Variants in NRG3 observed in about 807,000 individuals in gnomAD.
The protein encoded by NRG3 is neuregulin 3.
Under a neutral mutation model 66.9 loss-of-function variants are expected in NRG3, and 31 were observed. The ratio of observed to expected loss-of-function variants is 0.46; its 90% CI spans 0.35 to 0.63. The LOEUF (loss-of-function observed/expected upper bound fraction) is 0.63, where lower values mean the gene tolerates loss of function less well. NRG3 is among the 20% of genes least tolerant of loss of function. The pLI, the probability that NRG3 is intolerant of heterozygous loss-of-function variation, is 0.00. For missense variants in NRG3, 910 were observed against 878.9 expected (o/e 1.04, Z -0.45); for synonymous variants, 393 against 359.4 (o/e 1.09, Z -1.06).
chr10:82,021,326 A>G (rs2062050661), intron 1 of NRG3, among the ~76,000 whole-genome samples: 1 of 152,100 alleles, frequency 6.6e-6, no homozygotes, highest in African/African-American at 2.4e-5. Flanking sequence ...ATACTCCTAC[A>G]CTGCTGGACT....
At chr10:82,739,826 T>C (rs969222272) in intron 3 of NRG3, among the ~76,000 whole-genome samples, 14 of 152,188 alleles carry the variant, frequency 9.2e-5, no homozygotes, top group African/African-American at 3.4e-4. Flanking sequence ...TCTCTGGGAA[T>C]TACCCAAAGA....
At chr10:82,185,595 A>G (rs181967466) in intron 1 of NRG3, among the ~76,000 whole-genome samples, 23 of 152,328 alleles carry the variant, frequency 1.5e-4, no homozygotes, top group Admixed American at 1.4e-3. Context: ...ACATATAACA[A>G]TAAACATCTA....
chr10:82,021,298 T>C lies in NRG3; in HGVS notation c.823+145135T>C, dbSNP rs116004272. On this transcript the variant is annotated intron_variant, in intron 1 of 8. Coordinates refer to ENST00000372141, the MANE Select transcript of NRG3 (RefSeq NM_001010848.4). Reference sequence around the variant, plus strand: ...AGGGGCGTGGGAACTCTATTGATTTTTAGGTACTTTTTATCACATACTCCT... The same window carrying C: ...AGGGGCGTGGGAACTCTATTGATTTCTAGGTACTTTTTATCACATACTCCT... 9.7e-3 allele frequency among the ~76,000 whole-genome samples: 1,475 copies of C among 152,152 alleles called. 32 individuals carry two copies. The highest frequency in any genetic ancestry group is 0.033 in the African/African-American group (1,382 of 41,536).
intron 3 of NRG3, among the ~76,000 whole-genome samples, chr10:82,862,207 C>G: frequency 6.6e-6 from 1 of 152,152 alleles, no homozygotes; most frequent in Non-Finnish European, 1.5e-5. Flanking sequence ...TAGATGGTTA[C>G]AAGTTCCTGA....
chr10:82,690,962 C>T (rs975746679), intron 2 of NRG3, among the ~76,000 whole-genome samples: 3 of 152,150 alleles, frequency 2.0e-5, no homozygotes, highest in African/African-American at 7.2e-5. Flanking sequence ...TCCTTCACTT[C>T]TCTCCTTCCT....
At chr10:82,911,140 A>G (rs1317303217) in intron 4 of NRG3, among the ~76,000 whole-genome samples, 1 of 152,208 alleles carries the variant, frequency 6.6e-6, no homozygotes, top group Non-Finnish European at 1.5e-5. Flanking sequence ...GCAGTGAGAG[A>G]AATCAAAGAA....
intron 1 of NRG3, among the ~76,000 whole-genome samples, chr10:82,087,408 TA>T (rs888509925): frequency 6.6e-6 from 1 of 152,076 alleles, no homozygotes; most frequent in African/African-American, 2.4e-5. Context: ...ATCTCTGAAC[TA>T]ACTGTTCAGA....
At chr10:82,878,793 C>T (rs1348133275) in intron 4 of NRG3, among the ~76,000 whole-genome samples, 2 of 152,128 alleles carry the variant, frequency 1.3e-5, no homozygotes, top group African/African-American at 4.8e-5. Context: ...AAAAGCATAC[C>T]ATTCCCCTGC....
At chr10:82,208,183 G>A (rs895730877) in intron 1 of NRG3, among the ~76,000 whole-genome samples, 2 of 152,090 alleles carry the variant, frequency 1.3e-5, no homozygotes, top group African/African-American at 4.8e-5. Flanking sequence ...CTGAGGAGAG[G>A]CAGCATAACT....
chr10:82,228,092 C>G (rs2076256228), intron 1 of NRG3, among the ~76,000 whole-genome samples: 1 of 152,146 alleles, frequency 6.6e-6, no homozygotes, highest in East Asian at 1.9e-4. Flanking sequence ...CCTCACATAA[C>G]TGTAGGAAAA....
In NRG3 at chr10:82,405,454, G is replaced by GTTTTTTTTTTTTTTTTTTTTTTTTTTT. The variant is rs779040062; in HGVS notation, c.953+46589_953+46590insTTTTTTTTTTTTTTTTTTTTTTTTTTT. On this transcript the variant is annotated intron_variant, in intron 2 of 8. Transcript: ENST00000372141. Reference sequence around the variant, plus strand: ...TTCTATCTTTGGAATGATCTCAGTAGTTTGTTTTTTTTTTTTTTGAAATGG... The same window carrying GTTTTTTTTTTTTTTTTTTTTTTTTTTT: ...TTCTATCTTTGGAATGATCTCAGTAGTTTTTTTTTTTTTTTTTTTTTTTTTTTTTTGTTTTTTTTTTTTTTGAAATGG... 3.6e-5 allele frequency among the ~76,000 whole-genome samples: 5 copies of GTTTTTTTTTTTTTTTTTTTTTTTTTTT among 139,920 alleles called. 1 individual carries two copies. The highest frequency in any genetic ancestry group is 3.0e-5 in the Non-Finnish European group (2 of 66,730). 91.8% of individuals were successfully genotyped at this position (139,920 alleles called of 152,430 possible).
At chr10:82,390,588 C>G (rs559241527) in intron 2 of NRG3, among the ~76,000 whole-genome samples, 7 of 152,052 alleles carry the variant, frequency 4.6e-5, no homozygotes, top group African/African-American at 1.7e-4. Flanking sequence ...CTTTTACTTT[C>G]AAAAATGTGT....
chr10:82,896,331 T>G (rs1259811030), intron 4 of NRG3, among the ~76,000 whole-genome samples: 2 of 152,184 alleles, frequency 1.3e-5, no homozygotes, highest in African/African-American at 2.4e-5. Flanking sequence ...AAGATCACAC[T>G]TGGTGGAACC....
intron 3 of NRG3, among the ~76,000 whole-genome samples, chr10:82,800,860 G>A (rs2061005073): frequency 1.3e-5 from 2 of 152,152 alleles, no homozygotes; most frequent in African/African-American, 4.8e-5. Context: ...ACTTGATGTG[G>A]GTGGACAGCT....
intron 2 of NRG3, among the ~76,000 whole-genome samples, chr10:82,438,375 G>C (rs1408138625): frequency 1.3e-5 from 2 of 152,228 alleles, no homozygotes; most frequent in African/African-American, 4.8e-5. Flanking sequence ...CAAGTCTTGG[G>C]ACCAAACCTT....
intron 2 of NRG3, among the ~76,000 whole-genome samples, chr10:82,597,009 C>T (rs2133362371): frequency 6.6e-6 from 1 of 152,262 alleles, no homozygotes; most frequent in South Asian, 2.1e-4. Flanking sequence ...TCCTTCAAGA[C>T]CCTTTTGGCT....
intron 1 of NRG3, among the ~76,000 whole-genome samples, chr10:81,928,309 G>T (rs1440498143): frequency 6.6e-6 from 1 of 152,130 alleles, no homozygotes; most frequent in Non-Finnish European, 1.5e-5. Context: ...TGTCTCCCCT[G>T]CAGGGATTCT....
chr10:82,246,435 T>C (rs1383504503), intron 1 of NRG3, among the ~76,000 whole-genome samples: 1 of 152,228 alleles, frequency 6.6e-6, no homozygotes, highest in Admixed American at 6.5e-5. Context: ...ATAATTTAGC[T>C]GGATAACTAT....
chr10:82,742,850 G>C (rs1422196857), intron 3 of NRG3, among the ~76,000 whole-genome samples: 1 of 152,068 alleles, frequency 6.6e-6, no homozygotes, highest in African/African-American at 2.4e-5. Flanking sequence ...AGCACAGTTA[G>C]ATGGAGCTGA....
Sources: gnomAD v4.1 joint callset for allele counts (sites outside exome capture counted in the v4.1 genomes callset) on GRCh38, gnomAD v4.1.1 for gene constraint, MANE v1.5 for transcripts, NCBI Gene and HGNC (gene_info 2026-07-23, HGNC 2026-07-21) for gene names.